The following EPHA8 variants were observed in gnomAD, a reference collection of about 807,000 sequenced individuals.
The protein encoded by EPHA8 is ephrin type-A receptor 8.
In EPHA8, 58 loss-of-function variants were observed where a neutral mutation model predicts 103.6. The ratio of observed to expected loss-of-function variants is 0.56; its 90% CI spans 0.45 to 0.70. The LOEUF (loss-of-function observed/expected upper bound fraction) is 0.70, where lower values mean the gene tolerates loss of function less well. Ranked by LOEUF, EPHA8 falls within the 30% of genes least tolerant of loss-of-function variation. The pLI is 0.00. For missense variants in EPHA8, 1,304 were observed against 1,395.2 expected (o/e 0.93, Z 1.04); for synonymous variants, 559 against 572.5 (o/e 0.98, Z 0.34).
rs148856084 is a variant in EPHA8, at chr1:22,571,110, G to T, written c.159+1757G>T. ...AGCATCGGACTTGGTGTTTAGGGTA[G>T]TGAGGAATTGTCAGGGTTTTCAGCA... is the stretch of plus-strand genomic sequence containing the variant. On this transcript the variant is annotated intron_variant, in intron 2 of 16. Transcript: ENST00000166244. Among the ~76,000 whole-genome samples the T allele has an allele frequency of 2.6e-5, 4 of 152,364 alleles. No individual in the cohort carries two copies. In the East Asian group the frequency reaches 7.7e-4, roughly 29 times the overall value.
chr1:22,565,084 C>G (rs1454842473), intron 1 of EPHA8, among the ~76,000 whole-genome samples: 3 of 152,176 alleles, frequency 2.0e-5, no homozygotes, highest in African/African-American at 7.2e-5. Flanking sequence ...AGAAATGAAG[C>G]CAGTATGCAT....
intron 3 of EPHA8, 111 bp from the exon 4 acceptor site, chr1:22,586,369 T>G (rs1641206280): frequency 7.5e-7 from 1 of 1,327,034 alleles, no homozygotes; most frequent in Admixed American, 2.0e-5. Context: ...GGTCTGCACC[T>G]CCATCCCTCT....
Position 22,596,108 on chromosome 1 carries a change from A to G in EPHA8, c.1700A>G (p.His567Arg), listed in dbSNP as rs759735882. 3.7e-6 allele frequency: 6 copies of G among 1,613,836 alleles called. No homozygotes were observed. Among genetic ancestry groups the G allele is most frequent in the Non-Finnish European group, 3.4e-6 (4 of 1,179,954 alleles). Residue 567 changes from histidine (H) to arginine (R), a missense_variant and splice_region_variant, in exon 9 of 17, where the codon CAC (histidine) becomes CGC (arginine). By Grantham distance (29) the His-to-Arg change is conservative. Transcript: ENST00000166244. Reference protein sequence around the residue: ...LLLLLICKKRHCGYSKAFQDS... With the variant: ...LLLLLICKKRRCGYSKAFQDS... ...CAGGGCGGTGCCCTCCTCTGCAGGC[A>G]CTGTGGCTACAGCAAGGCCTTCCAG... is the stretch of plus-strand genomic sequence containing the variant.
intron 3 of EPHA8, among the ~76,000 whole-genome samples, chr1:22,581,570 A>G (rs1641048005): frequency 6.6e-6 from 1 of 152,176 alleles, no homozygotes; most frequent in African/African-American, 2.4e-5. Context: ...TTCTCAGCAC[A>G]TCAGGGGTGG....
intron 3 of EPHA8, among the ~76,000 whole-genome samples, chr1:22,578,930 T>C (rs1569979533): frequency 6.6e-6 from 1 of 151,734 alleles, no homozygotes; most frequent in Admixed American, 6.6e-5. Flanking sequence ...CGTTTATGTG[T>C]GCATGTGTGT....
rs1329574935 is a variant in EPHA8 at position 22,589,922 on chromosome 1, T to C, written c.1315+716T>C. Among the ~76,000 whole-genome samples the C allele has an allele frequency of 6.6e-6, 1 of 151,850 alleles. No homozygotes were observed. Among genetic ancestry groups the C allele is most frequent in the African/African-American group, 2.4e-5 (1 of 41,308 alleles). ...CACACAGCCCTGGCCTCGCAGACAA[T>C]ATGCCCACCACGTCACAGAGGAAGA... is the stretch of plus-strand genomic sequence containing the variant. On this transcript the variant is annotated intron_variant, in intron 5 of 16. Coordinates refer to ENST00000166244, the MANE Select transcript of EPHA8 (RefSeq NM_020526.5). This position sits in a 1 kb window ranked among gnomAD's most constrained non-coding sequence, Gnocchi z 4.3.
intron 3 of EPHA8, among the ~76,000 whole-genome samples, chr1:22,585,206 C>A (rs139212785): frequency 7.2e-4 from 110 of 152,214 alleles, no homozygotes; most frequent in Non-Finnish European, 8.4e-4. Flanking sequence ...GTGTGGGGAT[C>A]GGCCAGTGCT....
chr1:22,595,365 G>A (rs767574179), intron 8 of EPHA8, 42 bp downstream of exon 8: 1 of 1,549,530 alleles, frequency 6.5e-7, no homozygotes. Context: ...CTCCTCTCAA[G>A]CACCGTACCT....
Position 22,598,217 on chromosome 1 carries a change from G to A in EPHA8, c.2178+5G>A, listed in dbSNP as rs764660844. 6.8e-6 allele frequency: 11 copies of A among 1,612,446 alleles called. No individual in the cohort carries two copies. The highest frequency in any genetic ancestry group is 2.2e-5 in the East Asian group (1 of 44,874). ...TCTCTGGACACCTTCCTGAGGGTGC[G>A]TGTCCCACCCCTGCCTCTTGCATGG... On this transcript the variant is annotated splice_donor_5th_base_variant and intron_variant, in intron 12 of 16. Coordinates refer to ENST00000166244, the MANE Select transcript of EPHA8 (RefSeq NM_020526.5). The surrounding 1 kb of genome is among the most constrained non-coding windows in gnomAD (Gnocchi z 5.1).
At chr1:22,588,053 C>G (rs550684649) in intron 4 of EPHA8, among the ~76,000 whole-genome samples, 4 of 152,192 alleles carry the variant, frequency 2.6e-5, no homozygotes, top group Non-Finnish European at 4.4e-5. Flanking sequence ...AGCTTAAGAT[C>G]GTAAAGGCTG....
At chr1:22,587,002 G>A (rs1641231576) in intron 4 of EPHA8, among the ~76,000 whole-genome samples, 1 of 152,272 alleles carries the variant, frequency 6.6e-6, no homozygotes, top group Admixed American at 6.5e-5. Context: ...GAGGGTTAGG[G>A]CAGCAACCCT....
Position 22,576,900 on chromosome 1 carries a change from G to C in EPHA8, c.823+20G>C. On this transcript the variant is annotated intron_variant, in intron 3 of 16. Coordinates refer to ENST00000166244, the MANE Select transcript of EPHA8 (RefSeq NM_020526.5). This position sits in a 1 kb window ranked among gnomAD's most constrained non-coding sequence, Gnocchi z 4.8. ...GTGTGGGTGAGCGCGCCATGGCCTGGGCATGGGTCAGCCGGCAGCGGTGCT... is the reference window on the plus strand; with the variant it reads ...GTGTGGGTGAGCGCGCCATGGCCTGCGCATGGGTCAGCCGGCAGCGGTGCT... The C allele has an allele frequency of 6.4e-7, 1 of 1,562,474 alleles. No homozygotes were observed. Among genetic ancestry groups the C allele is most frequent in the Non-Finnish European group, 8.7e-7 (1 of 1,150,866 alleles).
intron 3 of EPHA8, among the ~76,000 whole-genome samples, chr1:22,583,472 C>G (rs1641102195): frequency 6.6e-6 from 1 of 152,172 alleles, no homozygotes; most frequent in Admixed American, 6.5e-5. Flanking sequence ...GGCCATAGCT[C>G]CAGAGGCTCC....
intron 2 of EPHA8, among the ~76,000 whole-genome samples, chr1:22,571,084 G>A (rs1640531753): frequency 6.6e-6 from 1 of 152,224 alleles, no homozygotes; most frequent in African/African-American, 2.4e-5. Flanking sequence ...ATCCCACTCA[G>A]AGCATCGGAC....
chr1:22,581,913 A>G (rs1557565221), intron 3 of EPHA8, among the ~76,000 whole-genome samples: 1 of 152,158 alleles, frequency 6.6e-6, no homozygotes, highest in Non-Finnish European at 1.5e-5. Context: ...TGGCTGCGTA[A>G]CCTCATTTGG....
chr1:22,599,462 A>G (rs925333899), intron 13 of EPHA8, among the ~76,000 whole-genome samples: 15 of 152,016 alleles, frequency 9.9e-5, no homozygotes, highest in African/African-American at 2.7e-4. Flanking sequence ...AGCTGAGTGC[A>G]TGGGGGCCAG....
At chr1:22,582,309 C>T (rs1327716544) in intron 3 of EPHA8, among the ~76,000 whole-genome samples, 1 of 152,206 alleles carries the variant, frequency 6.6e-6, no homozygotes, top group Non-Finnish European at 1.5e-5. Flanking sequence ...CCTTGTCCTT[C>T]TAGTGACAGG....
At chr1:22,579,193 ATG>A (rs1640956002) in intron 3 of EPHA8, among the ~76,000 whole-genome samples, 2 of 144,580 alleles carry the variant, frequency 1.4e-5, no homozygotes, top group Non-Finnish European at 3.0e-5. Flanking sequence ...GCGTGAATAT[ATG>A]TGTACCTGTG....
At chr1:22,578,975 G>A (rs1185431871) in intron 3 of EPHA8, among the ~76,000 whole-genome samples, 1 of 146,568 alleles carries the variant, frequency 6.8e-6, no homozygotes, top group African/African-American at 2.5e-5. Context: ...ATGTTCATGT[G>A]TGTGAGTGTA....
Sources: gnomAD v4.1 joint callset for allele counts (sites outside exome capture counted in the v4.1 genomes callset) on GRCh38, gnomAD v4.1.1 for gene constraint, Gnocchi (gnomAD v3.1) non-coding constraint, MANE v1.5 for transcripts, NCBI Gene and HGNC (gene_info 2026-07-23, HGNC 2026-07-21) for gene names.